BLOC1S3: variants seen among roughly 807,000 people sequenced by gnomAD.
The protein encoded by BLOC1S3 is biogenesis of lysosome-related organelles complex 1 subunit 3.
In BLOC1S3, 7 loss-of-function variants were observed where a neutral mutation model predicts 9.1. The observed-to-expected ratio is 0.77, with a 90% CI of 0.44 to 1.45. BLOC1S3 has a LOEUF of 1.45. Ranked by LOEUF, BLOC1S3 falls within the 40% of genes most tolerant of loss-of-function variation. The pLI, the probability that BLOC1S3 is intolerant of heterozygous loss-of-function variation, is 0.01. For missense variants in BLOC1S3, 307 were observed against 315.2 expected, an observed-to-expected ratio of 0.97 and a Z score of 0.20; for synonymous variants, 145 against 158.4, an observed-to-expected ratio of 0.92 and a Z score of 0.64.
intron 3 of BLOC1S3, among the ~76,000 whole-genome samples, chr19:45,212,333 C>T (rs1328086271): frequency 2.6e-5 from 4 of 152,202 alleles, no homozygotes; most frequent in Non-Finnish European, 4.4e-5. Flanking sequence ...TTCCCCGGTC[C>T]TTCCTCCCCA....
At chr19:45,184,688 C>T (rs1050423998), downstream of BLOC1S3, among the ~76,000 whole-genome samples, 14 of 151,924 alleles carry the variant, frequency 9.2e-5, no homozygotes, top group Non-Finnish European at 2.9e-5. Context: ...ATCACGAGGT[C>T]AGGAGATCAA....
At chr19:45,194,787 C>G (rs1969634625) in intron 2 of BLOC1S3, among the ~76,000 whole-genome samples, 1 of 152,062 alleles carries the variant, frequency 6.6e-6, no homozygotes, top group African/African-American at 2.4e-5. Context: ...GTCAGGACAG[C>G]AGTTAATTGG....
downstream of BLOC1S3, among the ~76,000 whole-genome samples, chr19:45,183,519 C>T (rs970444005): frequency 2.0e-5 from 3 of 151,690 alleles, no homozygotes; most frequent in African/African-American, 7.3e-5. Context: ...CATCTCCTCC[C>T]TCCTGAGCAC....
intron 3 of BLOC1S3, among the ~76,000 whole-genome samples, chr19:45,208,273 C>T (rs1264594806): frequency 6.6e-6 from 1 of 152,014 alleles, no homozygotes; most frequent in Admixed American, 6.6e-5. Flanking sequence ...CACCCAGCCT[C>T]TCTTTTTGTA....
At chr19:45,212,562 A>G (rs531937893) in intron 3 of BLOC1S3, 1 of 151,264 alleles carries the variant, frequency 6.6e-6, no homozygotes, top group African/African-American at 2.4e-5. Flanking sequence ...GGCCTTGGGA[A>G]AATGCTTTGT....
chr19:45,197,884 A>G (rs569966434), intron 2 of BLOC1S3, among the ~76,000 whole-genome samples: 1 of 151,630 alleles, frequency 6.6e-6, no homozygotes, highest in East Asian at 1.9e-4. Context: ...TCCATGAAAA[A>G]TCTCTAGCCA....
At chr19:45,204,254 T>C (rs1159011946) in intron 3 of BLOC1S3, among the ~76,000 whole-genome samples, 1 of 148,180 alleles carries the variant, frequency 6.7e-6, no homozygotes, top group African/African-American at 2.5e-5. Flanking sequence ...AATGGTGTGA[T>C]CTCGGTTTAC....
intron 3 of BLOC1S3, among the ~76,000 whole-genome samples, chr19:45,202,714 A>T (rs1406889949): frequency 6.6e-6 from 1 of 152,048 alleles, no homozygotes; most frequent in Non-Finnish European, 1.5e-5. Context: ...CTCAAGCAGG[A>T]GTCTTTCCCC....
intron 3 of BLOC1S3, among the ~76,000 whole-genome samples, chr19:45,215,366 A>G (rs8100419): frequency 0.13 from 19,038 of 151,804 alleles, 1,453 homozygotes; most frequent in African/African-American, 0.22. Context: ...AGCTACTCAG[A>G]AGGCTGAGGT....
At chr19:45,203,462 C>T (rs1296371925) in intron 3 of BLOC1S3, among the ~76,000 whole-genome samples, 3 of 152,040 alleles carry the variant, frequency 2.0e-5, no homozygotes, top group Non-Finnish European at 2.9e-5. Context: ...TTAGTAGAGA[C>T]GGGGTTTCAC....
intron 3 of BLOC1S3, among the ~76,000 whole-genome samples, chr19:45,216,396 T>C (rs1969835640): frequency 6.6e-6 from 1 of 151,950 alleles, no homozygotes; most frequent in South Asian, 2.1e-4. Flanking sequence ...CTGGCCAGTA[T>C]GGTGAAACCC....
At chr19:45,204,131 C>G (rs543689201) in intron 3 of BLOC1S3, among the ~76,000 whole-genome samples, 4 of 151,520 alleles carry the variant, frequency 2.6e-5, no homozygotes, top group African/African-American at 9.7e-5. Context: ...CTCAGCCTCC[C>G]GAGTAGCTGG....
intron 2 of BLOC1S3, among the ~76,000 whole-genome samples, chr19:45,196,951 A>C (rs968180590): frequency 1.3e-5 from 2 of 151,084 alleles, no homozygotes; most frequent in African/African-American, 2.4e-5. Context: ...TCAGTGACTC[A>C]GAAGAGTTTG....
chr19:45,186,713 C>T (rs1302576395), downstream of BLOC1S3, among the ~76,000 whole-genome samples: 2 of 151,922 alleles, frequency 1.3e-5, no homozygotes, highest in African/African-American at 4.8e-5. Context: ...TCAACAACAA[C>T]AACAAAAAAA....
chr19:45,208,320 TAATC>T (rs1241491944), intron 3 of BLOC1S3, among the ~76,000 whole-genome samples: 1 of 151,832 alleles, frequency 6.6e-6, no homozygotes, highest in Middle Eastern at 3.2e-3. Flanking sequence ...GAAATAAAAA[TAATC>T]AGTCAGGTGC....
At chr19:45,201,389 GCCA>G (rs1969689627) in intron 2 of BLOC1S3, among the ~76,000 whole-genome samples, 1 of 152,090 alleles carries the variant, frequency 6.6e-6, no homozygotes, top group African/African-American at 2.4e-5. Flanking sequence ...TACCCTTGTG[GCCA>G]CCACCACTGG....
rs55654938 is a variant in BLOC1S3, at chr19:45,197,824, CAAAAAAAAAAAA to C, written n.181-4568_181-4557del. ...TGGGTGGCTGAGCGAGACTCCGTCT[CAAAAAAAAAAAA>C]AAAAAAAAAAAAAGATCTAGAAAGG... On this transcript the variant is annotated intron_variant and non_coding_transcript_variant, in intron 2 of 3. Coordinates refer to the BLOC1S3 transcript ENST00000591569. Among the ~76,000 whole-genome samples the C allele has an allele frequency of 2.6e-3, 168 of 63,630 alleles. 3 individuals carry two copies. The South Asian group carries it at 0.028, about 11-fold the overall frequency. 41.7% of individuals were successfully genotyped at this position (63,630 alleles called of 152,430 possible). A position where few individuals can be genotyped will look rare whatever the true frequency, so the allele number is the denominator to read the frequency against.
intron 2 of BLOC1S3, among the ~76,000 whole-genome samples, chr19:45,198,545 C>T (rs1969666349): frequency 6.6e-6 from 1 of 152,254 alleles, no homozygotes; most frequent in African/African-American, 2.4e-5. Flanking sequence ...CCACCTGTCT[C>T]AGCCTCCCAA....
At chr19:45,204,531 G>T (rs1969713521) in intron 3 of BLOC1S3, among the ~76,000 whole-genome samples, 1 of 152,018 alleles carries the variant, frequency 6.6e-6, no homozygotes, top group African/African-American at 2.4e-5. Context: ...TCAACTAGTT[G>T]CATTCAGATG....
Sources: allele counts gnomAD v4.1 joint callset (sites outside exome capture counted in the v4.1 genomes callset), GRCh38; gene constraint gnomAD v4.1.1; transcripts MANE v1.5; gene names NCBI Gene and HGNC (gene_info 2026-07-23, HGNC 2026-07-21).